CADM2: variants seen among roughly 807,000 people sequenced by gnomAD.
CADM2 encodes the protein cell adhesion molecule 2.
A neutral mutation model predicts 49.8 loss-of-function variants in CADM2; 12 were observed. The ratio of observed to expected loss-of-function variants is 0.24; its 90% confidence interval spans 0.15 to 0.39. The LOEUF is 0.39. Ranked by LOEUF, CADM2 falls within the 10% of genes least tolerant of loss-of-function variation. CADM2 has a pLI of 1.00. For missense variants in CADM2, 378 were observed against 492.3 expected (o/e 0.77, Z 2.20); for synonymous variants, 214 against 175.4 (o/e 1.22, Z -1.74).
At chr3:85,665,566 A>G (rs1194134203) in intron 1 of CADM2, among the ~76,000 whole-genome samples, 1 of 151,952 alleles carries the variant, frequency 6.6e-6, no homozygotes, top group Admixed American at 6.6e-5. Flanking sequence ...CTACCTCATT[A>G]CTTTGCTACC....
rs959103037 is a variant in CADM2, at chr3:85,853,609, G to C, written c.239-29682G>C. ...TTTGTAATACTTCGAAAAAGAGAAA[G>C]TGAGCCACTTAGTGAAATATGAAAT... On this transcript the variant is annotated intron_variant, in intron 3 of 9. Transcript: ENST00000383699. Among the ~76,000 whole-genome samples the C allele has an allele frequency of 1.3e-4, 19 of 151,188 alleles. 1 individual carries two copies. Among genetic ancestry groups the C allele is most frequent in the Middle Eastern group, 6.8e-3 (2 of 294 alleles).
At chr3:85,287,298 G>A (rs184562288) in intron 1 of CADM2, among the ~76,000 whole-genome samples, 3 of 150,242 alleles carry the variant, frequency 2.0e-5, no homozygotes, top group Non-Finnish European at 4.4e-5. Flanking sequence ...TTTTCAAGTT[G>A]GCCATACTGA....
Position 85,111,936 on chromosome 3 carries a change from G to T in CADM2, c.61+152268G>T, listed in dbSNP as rs570881873. ...GTTGTAGGATTCTGTACTCCAAATG[G>T]TGACTGAAATGAGATATGAGGTTAA... On this transcript the variant is annotated intron_variant, in intron 1 of 9. Transcript: ENST00000383699. 2.6e-5 allele frequency among the ~76,000 whole-genome samples: 4 copies of T among 151,826 alleles called. No homozygotes were observed. The South Asian group carries it at 8.3e-4, about 31-fold the overall frequency.
At chr3:86,038,539 A>G (rs1298933985) in intron 8 of CADM2, among the ~76,000 whole-genome samples, 5 of 152,190 alleles carry the variant, frequency 3.3e-5, no homozygotes, top group South Asian at 2.1e-4. Context: ...CCTGACTTCA[A>G]TATAGTTCCT....
In CADM2 at chr3:85,968,100, T is replaced by C. The variant is rs564000024; in HGVS notation, c.970+6453T>C. On this transcript the variant is annotated intron_variant, in intron 8 of 9. Coordinates refer to ENST00000383699, the MANE Select transcript of CADM2 (RefSeq NM_001167675.2). The stretch of plus-strand genomic sequence containing the variant: ...ACAGTGTGCTAATGGAAGAGCCCTA[T>C]GGTTGCTGCTCTCATCTCTGGTTGA... Among the ~76,000 whole-genome samples, 4 of 151,780 alleles carry C rather than the reference T, an allele frequency of 2.6e-5. No individual in the cohort carries two copies. The South Asian group carries it at 6.2e-4, about 24-fold the overall frequency.
At chr3:85,852,365 G>C (rs926506061) in intron 3 of CADM2, among the ~76,000 whole-genome samples, 1 of 152,046 alleles carries the variant, frequency 6.6e-6, no homozygotes, top group Non-Finnish European at 1.5e-5. Flanking sequence ...TCTCTCTCCA[G>C]AAGACTGATA....
At chr3:85,278,581 C>G (rs939135182) in intron 1 of CADM2, among the ~76,000 whole-genome samples, 1 of 151,282 alleles carries the variant, frequency 6.6e-6, no homozygotes, top group East Asian at 1.9e-4. Flanking sequence ...TTTTATTTCT[C>G]TTTAGAGTGC....
chr3:85,667,447 A>C (rs1448775004), intron 1 of CADM2, among the ~76,000 whole-genome samples: 1 of 152,060 alleles, frequency 6.6e-6, no homozygotes, highest in African/African-American at 2.4e-5. Context: ...AAGACTAACC[A>C]CATTTCCAGT....
At chr3:85,651,536 C>T (rs1327416879) in intron 1 of CADM2, among the ~76,000 whole-genome samples, 1 of 151,992 alleles carries the variant, frequency 6.6e-6, no homozygotes, top group Admixed American at 6.6e-5. Context: ...AAGACTGCTC[C>T]AATAAGACTC....
intron 3 of CADM2, among the ~76,000 whole-genome samples, chr3:85,879,656 A>G (rs1712441568): frequency 6.6e-6 from 1 of 152,146 alleles, no homozygotes; most frequent in South Asian, 2.1e-4. Flanking sequence ...AATGTGCATT[A>G]AAATTTTTTA....
At chr3:85,090,026 T>A (rs1205967544) in intron 1 of CADM2, among the ~76,000 whole-genome samples, 4 of 152,098 alleles carry the variant, frequency 2.6e-5, no homozygotes, top group African/African-American at 9.7e-5. Flanking sequence ...TTTTAGTTAA[T>A]CTCAAATTTT....
intron 6 of CADM2, among the ~76,000 whole-genome samples, chr3:85,927,410 C>T (rs888397276): frequency 1.1e-4 from 16 of 151,936 alleles, no homozygotes; most frequent in Non-Finnish European, 1.6e-4. Context: ...CTTGAGGGAC[C>T]GCAATATGAA....
chr3:85,398,853 G>GT (rs956384129), intron 1 of CADM2, among the ~76,000 whole-genome samples: 6 of 152,096 alleles, frequency 3.9e-5, no homozygotes, highest in Admixed American at 6.6e-5. Flanking sequence ...TGAGGGGGTT[G>GT]TTTTTTTCTT....
intron 1 of CADM2, among the ~76,000 whole-genome samples, chr3:85,147,533 A>C (rs1368291013): frequency 2.0e-5 from 3 of 152,138 alleles, no homozygotes; most frequent in Non-Finnish European, 4.4e-5. Context: ...AATTAATAAC[A>C]TTAATAATGT....
At chr3:85,314,003 G>T (rs1220905816) in intron 1 of CADM2, among the ~76,000 whole-genome samples, 1 of 152,152 alleles carries the variant, frequency 6.6e-6, no homozygotes, top group Non-Finnish European at 1.5e-5. Context: ...TGATTCTCCT[G>T]CCTCAGCCTC....
Position 85,592,808 on chromosome 3 carries a change from A to T in CADM2, c.62-133714A>T, listed in dbSNP as rs953309727. Among the ~76,000 whole-genome samples the T allele has an allele frequency of 4.0e-5, 6 of 151,804 alleles. No individual in the cohort carries two copies. In the Admixed American group the frequency reaches 4.0e-4, roughly 10 times the overall value. On this transcript the variant is annotated intron_variant, in intron 1 of 9. Transcript: ENST00000383699. ...CCATGGTGGTTTGCTGCACCCACCA[A>T]CGCGTCATCTACATTAGATATTTCT...
At chr3:85,547,043 A>G (rs2061682544) in intron 1 of CADM2, among the ~76,000 whole-genome samples, 1 of 151,956 alleles carries the variant, frequency 6.6e-6, no homozygotes, top group Admixed American at 6.6e-5. Flanking sequence ...GGAAGTAGGG[A>G]TTCAAGCTGA....
chr3:86,061,996 G>A (rs115478525), intron 8 of CADM2, among the ~76,000 whole-genome samples: 5,050 of 148,866 alleles, frequency 0.034, 186 homozygotes, highest in African/African-American at 0.083. Flanking sequence ...TGGGGGGGGG[G>A]TTGAATTTGT....
chr3:84,965,818 C>T (rs560707048), intron 1 of CADM2, among the ~76,000 whole-genome samples: 1 of 152,216 alleles, frequency 6.6e-6, no homozygotes, highest in African/African-American at 2.4e-5. Flanking sequence ...TAGGAGTTAA[C>T]TGTTCAGTGT....
Sources: allele counts gnomAD v4.1 joint callset (sites outside exome capture counted in the v4.1 genomes callset), GRCh38; gene constraint gnomAD v4.1.1; transcripts MANE v1.5; gene names NCBI Gene and HGNC (gene_info 2026-07-23, HGNC 2026-07-21).